Variants in ABHD17C observed in about 807,000 individuals in gnomAD.
The protein encoded by ABHD17C is abhydrolase domain containing 17C, depalmitoylase.
In ABHD17C, 11 loss-of-function variants were observed where a neutral mutation model predicts 27.9. The observed-to-expected ratio is 0.39, with a 90% CI of 0.25 to 0.65. ABHD17C has a LOEUF of 0.65. Ranked by LOEUF, ABHD17C falls within the 30% of genes least tolerant of loss-of-function variation. ABHD17C has a pLI of 0.45. For synonymous variants in ABHD17C, 233 were observed against 209.1 expected (o/e 1.11, Z -0.98); for missense variants, 280 against 470.2 (o/e 0.60, Z 3.74).
At chr15:80,736,394 T>A (rs989970687) in intron 1 of ABHD17C, among the ~76,000 whole-genome samples, 1 of 152,346 alleles carries the variant, frequency 6.6e-6, no homozygotes, top group Non-Finnish European at 1.5e-5. Flanking sequence ...GTTTGTTAAG[T>A]TTTGGCTAAA....
At chr15:80,730,914 A>G (rs1345731285) in intron 1 of ABHD17C, among the ~76,000 whole-genome samples, 1 of 152,206 alleles carries the variant, frequency 6.6e-6, no homozygotes, top group African/African-American at 2.4e-5. Flanking sequence ...TTAGTGGCCA[A>G]TAAAGGCTTC....
chr15:80,697,228 A>T (rs540180790), intron 1 of ABHD17C, among the ~76,000 whole-genome samples: 1 of 152,312 alleles, frequency 6.6e-6, no homozygotes, highest in Non-Finnish European at 1.5e-5. Flanking sequence ...GAAGTCCTGA[A>T]GGGGATGCCC....
rs149177885 is a variant in ABHD17C, at chr15:80,715,681, C to T, written c.590+19662C>T. On this transcript the variant is annotated intron_variant, in intron 1 of 2. Transcript: ENST00000258884. Reference sequence around the variant, plus strand: ...GTTTGTGATCTTCAAAGCGCTTTCACGTACACTCTCTTGGTTCCTAAGAAC... The same window carrying T: ...GTTTGTGATCTTCAAAGCGCTTTCATGTACACTCTCTTGGTTCCTAAGAAC... Among the ~76,000 whole-genome samples, 457 of 152,284 alleles carry T rather than the reference C, an allele frequency of 3.0e-3. 2 individuals carry two copies. Among genetic ancestry groups the T allele is most frequent in the African/African-American group, 9.4e-3 (391 of 41,544 alleles).
At chr15:80,708,788 A>G (rs893392388) in intron 1 of ABHD17C, among the ~76,000 whole-genome samples, 6 of 152,218 alleles carry the variant, frequency 3.9e-5, no homozygotes, top group Admixed American at 1.3e-4. Context: ...CAGAGTTCAC[A>G]AACTTTAGTG....
chr15:80,726,980 C>G (rs541125627), intron 1 of ABHD17C, among the ~76,000 whole-genome samples: 1 of 152,168 alleles, frequency 6.6e-6, no homozygotes, highest in Non-Finnish European at 1.5e-5. Flanking sequence ...GTGTCTGTAG[C>G]TGCCTAGTGC....
At chr15:80,748,779 G>A (rs1382652984) in intron 1 of ABHD17C, among the ~76,000 whole-genome samples, 6 of 150,542 alleles carry the variant, frequency 4.0e-5, no homozygotes, top group Non-Finnish European at 7.4e-5. Flanking sequence ...CATGGGGAAT[G>A]CACACCATTC....
chr15:80,754,108 C>T (rs1895401123), intron 2 of ABHD17C, 43 bp from the exon 3 acceptor site: 1 of 1,452,624 alleles, frequency 6.9e-7, no homozygotes, highest in Non-Finnish European at 9.7e-7. Flanking sequence ...GTGAGCATAA[C>T]TAATGGAGTC....
At position 80,754,244 on chromosome 15, in the gene ABHD17C, C is replaced by T. The variant is rs375118385; in HGVS notation, c.864C>T (p.Tyr288=). The T allele has an allele frequency of 5.0e-6, 8 of 1,613,814 alleles. No homozygotes were observed. The highest frequency in any genetic ancestry group is 4.0e-5 in the African/African-American group (3 of 74,902). The part of the protein sequence containing the change: ...VIDFSHGLAM[Y]ERCPRAVEPL... ...ATTTCTCCCATGGCCTAGCGATGTA[C>T]GAGCGCTGTCCCCGAGCCGTGGAGC... The change falls in exon 3 of 3, where the codon TAC becomes TAT. Residue 288 remains tyrosine, a synonymous_variant. Coordinates refer to ENST00000258884, the MANE Select transcript of ABHD17C (RefSeq NM_021214.2).
intron 1 of ABHD17C, among the ~76,000 whole-genome samples, chr15:80,743,745 C>G (rs1489809360): frequency 1.3e-5 from 2 of 152,020 alleles, no homozygotes; most frequent in Non-Finnish European, 2.9e-5. Flanking sequence ...AGCACCATGC[C>G]CAACTAATTT....
At position 80,695,422 on chromosome 15, in the gene ABHD17C, C is replaced by T. The variant is rs1420707999; in HGVS notation, c.-8C>T. ...AGCCGGGCCGGCGGCGGGCACCAGG[C>T]CGTCCCGATGCCCGAGCCAGGCCCC... On this transcript the variant is annotated 5_prime_UTR_variant, in exon 1 of 3. Transcript: ENST00000258884. This position sits in a 1 kb window ranked among gnomAD's most constrained non-coding sequence, Gnocchi z 4.3. 7.6e-7 allele frequency: 1 copy of T among 1,307,246 alleles called. No individual in the cohort carries two copies. Among genetic ancestry groups the T allele is most frequent in the South Asian group, 1.5e-5 (1 of 67,404 alleles). The allele number at this position is 1,307,246 out of a possible 1,614,324, so 81.0% of individuals were successfully genotyped here.
intron 1 of ABHD17C, among the ~76,000 whole-genome samples, chr15:80,722,072 A>G (rs1894904421): frequency 6.6e-6 from 1 of 151,962 alleles, no homozygotes; most frequent in Non-Finnish European, 1.5e-5. Flanking sequence ...TCTTCCCTGC[A>G]GCCCTGTTAT....
chr15:80,703,749 G>A (rs995759236), intron 1 of ABHD17C, among the ~76,000 whole-genome samples: 1 of 152,008 alleles, frequency 6.6e-6, no homozygotes, highest in South Asian at 2.1e-4. Flanking sequence ...TTTGTTAAGA[G>A]TTGAAAAAAA....
At position 80,695,907 on chromosome 15, in the gene ABHD17C, A is replaced by G; in HGVS notation, c.478A>G (p.Asn160Asp). 6.3e-7 allele frequency: 1 copy of G among 1,597,456 alleles called. No individual in the cohort carries two copies. The highest frequency in any genetic ancestry group is 1.7e-5 in the Admixed American group (1 of 59,836). ...SFYIGLGSRI[N>D]CNIFSYDYSG... ...CTACATTGGCCTCGGCTCCCGCATC[A>G]ACTGCAACATCTTCTCCTACGACTA... Residue 160 changes from asparagine (N) to aspartate (D), a missense_variant, in exon 1 of 3, where the codon AAC becomes GAC. Physicochemically the swap from Asn to Asp is conservative, Grantham distance 23. Transcript: ENST00000258884. This position sits in a 1 kb window ranked among gnomAD's most constrained non-coding sequence, Gnocchi z 4.3.
Position 80,709,762 on chromosome 15 carries a change from C to T in ABHD17C, c.590+13743C>T, listed in dbSNP as rs1894705495. 2.0e-5 allele frequency among the ~76,000 whole-genome samples: 3 copies of T among 152,126 alleles called. No homozygotes were observed. In the South Asian group the frequency reaches 6.2e-4, roughly 32 times the overall value. On this transcript the variant is annotated intron_variant, in intron 1 of 2. Transcript: ENST00000258884. Reference sequence around the variant, plus strand: ...CAGCAGCCCACACCTGTGGCCACACCTTGTACCTCGTGATCACCTGGAATG... The same window carrying T: ...CAGCAGCCCACACCTGTGGCCACACTTTGTACCTCGTGATCACCTGGAATG...
rs779676231 is a variant in ABHD17C at position 80,754,963 on chromosome 15, A to G, written c.*593A>G. 1.3e-5 allele frequency: 2 copies of G among 152,230 alleles called. No individual in the cohort carries two copies. The highest frequency in any genetic ancestry group is 1.3e-4 in the Admixed American group (2 of 15,284). The allele number at this position is 152,230 out of a possible 1,614,324, so 9.4% of individuals were successfully genotyped here. On this transcript the variant is annotated 3_prime_UTR_variant, in exon 3 of 3. Coordinates refer to ENST00000258884, the MANE Select transcript of ABHD17C (RefSeq NM_021214.2). Reference sequence around the variant, plus strand: ...AAATATAACTGGAATATTCTTAAACAAAAAGAAACTAGGGGTTTTTTTAAG... The same window carrying G: ...AAATATAACTGGAATATTCTTAAACGAAAAGAAACTAGGGGTTTTTTTAAG...
chr15:80,715,920 A>C (rs1485939466), intron 1 of ABHD17C, among the ~76,000 whole-genome samples: 1 of 151,112 alleles, frequency 6.6e-6, no homozygotes, highest in East Asian at 1.9e-4. Context: ...ATTTGACCTG[A>C]AAAAAAAAAT....
chr15:80,699,243 A>G (rs571625695), intron 1 of ABHD17C, among the ~76,000 whole-genome samples: 133 of 152,364 alleles, frequency 8.7e-4, no homozygotes, highest in Non-Finnish European at 1.3e-3. Context: ...TATTCCTGAC[A>G]GTTGGCAAAA....
intron 1 of ABHD17C, among the ~76,000 whole-genome samples, chr15:80,738,277 T>A (rs1233549828): frequency 6.6e-6 from 1 of 152,114 alleles, no homozygotes; most frequent in Non-Finnish European, 1.5e-5. Flanking sequence ...TTCTCAACCA[T>A]AAGCTGATAC....
chr15:80,730,654 G>A (rs1275424429), intron 1 of ABHD17C, among the ~76,000 whole-genome samples: 1 of 152,208 alleles, frequency 6.6e-6, no homozygotes, highest in Non-Finnish European at 1.5e-5. Context: ...GGTTGAGAAT[G>A]TGGATTGAAA....
Sources: gnomAD v4.1 joint callset for allele counts (sites outside exome capture counted in the v4.1 genomes callset) on GRCh38, gnomAD v4.1.1 for gene constraint, Gnocchi (gnomAD v3.1) non-coding constraint, MANE v1.5 for transcripts, NCBI Gene and HGNC (gene_info 2026-07-23, HGNC 2026-07-21) for gene names.